Variants in RAB27A observed in about 807,000 individuals in gnomAD.
RAB27A encodes the protein RAB27A, member RAS oncogene family, also known as ras-related protein Rab-27A.
In RAB27A, 17 loss-of-function variants were observed where a neutral mutation model predicts 20.8. The observed-to-expected ratio is 0.82, with a 90% CI of 0.56 to 1.23. The LOEUF is 1.23. Among genes scored for constraint, RAB27A ranks in the 50% most tolerant of loss-of-function variants. RAB27A has a pLI of 0.00. For missense variants in RAB27A, 277 were observed against 266.7 expected (o/e 1.04, Z -0.27); for synonymous variants, 85 against 92.8 (o/e 0.92, Z 0.48).
chr15:55,307,810 T>C (rs1309454111), intron 2 of RAB27A, among the ~76,000 whole-genome samples: 1 of 151,046 alleles, frequency 6.6e-6, no homozygotes, highest in East Asian at 1.9e-4. Context: ...CAGGGGATTA[T>C]TTCTTTGGCA....
At chr15:55,214,462 TG>T (rs1895187465) in intron 6 of RAB27A, among the ~76,000 whole-genome samples, 1 of 152,172 alleles carries the variant, frequency 6.6e-6, no homozygotes, top group Non-Finnish European at 1.5e-5. Context: ...CAACAAAAAC[TG>T]GTTGAGAAAC....
intron 2 of RAB27A, among the ~76,000 whole-genome samples, chr15:55,261,700 A>G (rs1339144791): frequency 8.2e-6 from 1 of 122,674 alleles, no homozygotes; most frequent in East Asian, 2.4e-4. Context: ...GAGATCACTC[A>G]CTGCATCTCA....
chr15:55,205,684 A>G lies in RAB27A; in HGVS notation c.489T>C (p.Ser163=), dbSNP rs2140891719. ...GGCTTATGTTTGTCCCATTGGCAGC[A>G]CTAGTTTCAAAGTAGGGGATTCTGG... is the stretch of plus-strand genomic sequence containing the variant. ...EKYGIPYFET[S]AANGTNISQA... The change falls in exon 7 of 7, where the codon AGT becomes AGC. Residue 163 remains serine, a synonymous_variant. Coordinates refer to ENST00000336787, the MANE Select transcript of RAB27A (RefSeq NM_183235.3). The G allele has an allele frequency of 1.9e-6, 3 of 1,613,944 alleles. No homozygotes were observed. The highest frequency in any genetic ancestry group is 2.5e-6 in the Non-Finnish European group (3 of 1,179,832).
intron 2 of RAB27A, among the ~76,000 whole-genome samples, chr15:55,248,272 C>T (rs1896763130): frequency 1.3e-5 from 2 of 152,210 alleles, no homozygotes; most frequent in Non-Finnish European, 2.9e-5. Flanking sequence ...AACAGCCTCA[C>T]TTCCAACCAT....
chr15:55,302,991 G>T (rs1595755594), intron 2 of RAB27A, among the ~76,000 whole-genome samples: 2 of 138,466 alleles, frequency 1.4e-5, no homozygotes, highest in Admixed American at 6.9e-5. Context: ...GTGGGGGGGG[G>T]TCAACCCCCC....
chr15:55,290,704 G>C (rs1595752087), upstream of RAB27A, among the ~76,000 whole-genome samples: 1 of 152,234 alleles, frequency 6.6e-6, no homozygotes, highest in African/African-American at 2.4e-5. Flanking sequence ...TAGGGGGTCA[G>C]ACCTCGTGGT....
At chr15:55,310,582 T>A (rs2055016009) in intron 2 of RAB27A, among the ~76,000 whole-genome samples, 1 of 152,236 alleles carries the variant, frequency 6.6e-6, no homozygotes, top group Non-Finnish European at 1.5e-5. Flanking sequence ...GCATTCGATT[T>A]GCCCAGCTTT....
intron 2 of RAB27A, among the ~76,000 whole-genome samples, chr15:55,239,886 C>T (rs1240360149): frequency 6.6e-6 from 1 of 152,106 alleles, no homozygotes; most frequent in Non-Finnish European, 1.5e-5. Flanking sequence ...GGGCGACAGC[C>T]TTCTTATCTG....
intron 1 of RAB27A, chr15:55,318,756 C>T (rs553222276): frequency 1.3e-5 from 2 of 150,304 alleles, no homozygotes; most frequent in Non-Finnish European, 3.0e-5. Context: ...GCAACAACAA[C>T]AAAAAAAATA....
chr15:55,228,525 T>C, intron 5 of RAB27A, 84 bp downstream of exon 5: 1 of 1,069,404 alleles, frequency 9.4e-7, no homozygotes, highest in Non-Finnish European at 1.4e-6. Flanking sequence ...CCAAAACGAT[T>C]TGTCACAGAA....
intron 2 of RAB27A, among the ~76,000 whole-genome samples, chr15:55,237,836 T>C (rs537538225): frequency 6.6e-6 from 1 of 152,302 alleles, no homozygotes; most frequent in South Asian, 2.1e-4. Context: ...ATAACTATGT[T>C]TTTTACATCA....
upstream of RAB27A, among the ~76,000 whole-genome samples, chr15:55,293,340 A>G (rs1346909502): frequency 2.0e-5 from 3 of 151,954 alleles, no homozygotes; most frequent in Admixed American, 6.6e-5. Context: ...TTTCCAACAA[A>G]AGGAACCAAT....
At position 55,241,598 on chromosome 15, in the gene RAB27A, A is replaced by ATT. The variant is rs1204017741; in HGVS notation, c.-22-6644_-22-6643dup. ...CTAGCCCAGGCAACTAGCAAGACCT[A>ATT]TTTATATATATATATATATATATAT... On this transcript the variant is annotated intron_variant, in intron 2 of 6. Transcript: ENST00000336787. Among the ~76,000 whole-genome samples the ATT allele has an allele frequency of 1.3e-3, 127 of 96,892 alleles. 1 individual carries two copies. Among genetic ancestry groups the ATT allele is most frequent in the African/African-American group, 6.3e-3 (114 of 18,128 alleles). The allele number at this position is 96,892 out of a possible 152,430, so 63.6% of individuals were successfully genotyped here.
At chr15:55,232,336 A>G (rs1410254671) in intron 3 of RAB27A, among the ~76,000 whole-genome samples, 1 of 152,234 alleles carries the variant, frequency 6.6e-6, no homozygotes, top group African/African-American at 2.4e-5. Flanking sequence ...AAATAAATAA[A>G]TATGCAGTAA....
chr15:55,311,475 G>T (rs549840361), intron 2 of RAB27A, among the ~76,000 whole-genome samples: 4 of 151,924 alleles, frequency 2.6e-5, no homozygotes, highest in Admixed American at 2.6e-4. Flanking sequence ...TTGAAGGGGG[G>T]TCCTTATTAG....
At chr15:55,220,275 GTTTT>G (rs1350488402) in intron 6 of RAB27A, among the ~76,000 whole-genome samples, 2 of 150,100 alleles carry the variant, frequency 1.3e-5, no homozygotes, top group Non-Finnish European at 1.5e-5. Context: ...TTGTTTGTTT[GTTTT>G]GTTTTGAGAC....
chr15:55,220,884 C>T (rs1317722402), intron 6 of RAB27A, among the ~76,000 whole-genome samples: 1 of 152,198 alleles, frequency 6.6e-6, no homozygotes, highest in Non-Finnish European at 1.5e-5. Context: ...TACCAAACTA[C>T]ATGGTATGCT....
chr15:55,210,120 A>ATATGTG (rs1352838206), intron 6 of RAB27A, among the ~76,000 whole-genome samples: 169 of 137,614 alleles, frequency 1.2e-3, no homozygotes, highest in African/African-American at 5.0e-3. Flanking sequence ...ACATACACAT[A>ATATGTG]TGTATATATA....
intron 2 of RAB27A, among the ~76,000 whole-genome samples, chr15:55,259,305 T>C (rs1897193199): frequency 1.3e-5 from 2 of 149,834 alleles, no homozygotes; most frequent in Admixed American, 1.3e-4. Flanking sequence ...GAAAGTCTCT[T>C]TTTTTTTTAA....
Sources: allele counts gnomAD v4.1 joint callset (sites outside exome capture counted in the v4.1 genomes callset), GRCh38; gene constraint gnomAD v4.1.1; transcripts MANE v1.5; gene names NCBI Gene and HGNC (gene_info 2026-07-23, HGNC 2026-07-21).